The following SDK1 variants were observed in gnomAD, a reference collection of about 807,000 sequenced individuals.
The protein encoded by SDK1 is protein sidekick-1.
Under a neutral mutation model 245.5 loss-of-function variants are expected in SDK1, and 157 were observed. That is an observed-to-expected ratio of 0.64 (90% CI 0.56 to 0.73). The LOEUF (loss-of-function observed/expected upper bound fraction) is 0.73, where lower values mean the gene tolerates loss of function less well. Ranked by LOEUF, SDK1 falls within the 30% of genes least tolerant of loss-of-function variation. The pLI, the probability that SDK1 is intolerant of heterozygous loss-of-function variation, is 0.00. For synonymous variants in SDK1, 1,647 were observed against 1,278.5 expected (o/e 1.29, Z -6.15); for missense variants, 3,583 against 3,002.3 (o/e 1.19, Z -4.52).
intron 37 of SDK1, among the ~76,000 whole-genome samples, chr7:4,209,089 C>G (rs1784386306): frequency 6.6e-6 from 1 of 152,204 alleles, no homozygotes; most frequent in South Asian, 2.1e-4. Context: ...GAATCAGGGC[C>G]CCTTGGCATC....
At chr7:4,074,586 C>T (rs926650332) in intron 20 of SDK1, among the ~76,000 whole-genome samples, 8 of 152,004 alleles carry the variant, frequency 5.3e-5, no homozygotes, top group African/African-American at 1.7e-4. Context: ...CCAGGCTGGG[C>T]GTGGTGGCTG....
intron 4 of SDK1, among the ~76,000 whole-genome samples, chr7:3,648,019 G>T (rs1446808128): frequency 6.6e-6 from 1 of 152,180 alleles, no homozygotes. Flanking sequence ...TTTTATCTGA[G>T]AAGTTGAAAA....
chr7:4,003,636 A>G (rs149715145), intron 14 of SDK1, among the ~76,000 whole-genome samples: 22 of 152,340 alleles, frequency 1.4e-4, no homozygotes, highest in African/African-American at 4.6e-4. Context: ...ATCACATCAC[A>G]TCACATCAAG....
chr7:4,248,216 A>G (rs1787026232), intron 44 of SDK1, among the ~76,000 whole-genome samples: 2 of 152,094 alleles, frequency 1.3e-5, no homozygotes, highest in African/African-American at 4.8e-5. Context: ...ACCTGAATAC[A>G]TGCACACACC....
intron 4 of SDK1, among the ~76,000 whole-genome samples, chr7:3,650,702 C>T (rs1006010779): frequency 5.3e-5 from 8 of 152,168 alleles, no homozygotes; most frequent in Non-Finnish European, 1.0e-4. Context: ...TAACTACTTT[C>T]CTCTTGCCCT....
intron 1 of SDK1, among the ~76,000 whole-genome samples, chr7:3,433,421 T>A (rs1294835369): frequency 6.6e-6 from 1 of 152,204 alleles, no homozygotes; most frequent in Non-Finnish European, 1.5e-5. Context: ...TTGTTTTTAT[T>A]TCTTTTCTCC....
intron 4 of SDK1, among the ~76,000 whole-genome samples, chr7:3,777,563 C>G (rs951614572): frequency 4.6e-5 from 7 of 152,188 alleles, no homozygotes; most frequent in Non-Finnish European, 8.8e-5. Flanking sequence ...CCTGATGTGC[C>G]CAGCAGCAGG....
intron 1 of SDK1, among the ~76,000 whole-genome samples, chr7:3,398,317 G>A (rs1447344277): frequency 6.6e-5 from 10 of 152,074 alleles, no homozygotes; most frequent in Non-Finnish European, 1.5e-4. Context: ...TAGTGATAAG[G>A]TGTTGCGGAG....
At position 3,400,972 on chromosome 7, in the gene SDK1, G is replaced by C. The variant is rs532220189; in HGVS notation, c.298+99088G>C. 4.6e-5 allele frequency among the ~76,000 whole-genome samples: 7 copies of C among 152,244 alleles called. No individual in the cohort carries two copies. In the South Asian group the frequency reaches 1.5e-3, roughly 32 times the overall value. On this transcript the variant is annotated intron_variant, in intron 1 of 44. Transcript: ENST00000404826. The stretch of plus-strand genomic sequence containing the variant: ...TCCAGTGTCAGGACAGGACAGTGAT[G>C]ATGAGAAGGGAAGGGACAGCAGCCA...
intron 5 of SDK1, among the ~76,000 whole-genome samples, chr7:3,948,288 C>T (rs903935270): frequency 1.4e-4 from 17 of 125,916 alleles, no homozygotes; most frequent in African/African-American, 2.8e-4. Context: ...GACGGAGTCT[C>T]GCTCTGTCAC....
At chr7:4,227,844 G>C (rs779970835) in intron 40 of SDK1, among the ~76,000 whole-genome samples, 30 of 152,220 alleles carry the variant, frequency 2.0e-4, no homozygotes, top group Non-Finnish European at 3.8e-4. Context: ...GGGTGTATTA[G>C]GACATTGTCT....
At chr7:3,772,471 A>AT (rs1030905728) in intron 4 of SDK1, among the ~76,000 whole-genome samples, 4 of 152,212 alleles carry the variant, frequency 2.6e-5, no homozygotes, top group African/African-American at 9.7e-5. Context: ...TTAAAAATGC[A>AT]TTAGCCTTTT....
chr7:3,492,648 A>G (rs1020606201), intron 1 of SDK1, among the ~76,000 whole-genome samples: 1 of 152,214 alleles, frequency 6.6e-6, no homozygotes, highest in South Asian at 2.1e-4. Flanking sequence ...GTATCTCCAC[A>G]GTTCACAGGT....
At chr7:3,418,068 A>G (rs558785961) in intron 1 of SDK1, among the ~76,000 whole-genome samples, 1 of 150,670 alleles carries the variant, frequency 6.6e-6, no homozygotes, top group South Asian at 2.1e-4. Context: ...CAAAGGGGTA[A>G]AAATTCCTGA....
At chr7:3,446,004 G>T (rs1376084799) in intron 1 of SDK1, among the ~76,000 whole-genome samples, 2 of 151,728 alleles carry the variant, frequency 1.3e-5, no homozygotes, top group African/African-American at 2.4e-5. Flanking sequence ...CATTTGCCAA[G>T]GATAATTTTG....
At chr7:4,001,512 C>A (rs1320280003) in intron 14 of SDK1, among the ~76,000 whole-genome samples, 1 of 152,228 alleles carries the variant, frequency 6.6e-6, no homozygotes, top group African/African-American at 2.4e-5. Context: ...TCTACGGCCT[C>A]AAAGCCTGTT....
intron 1 of SDK1, among the ~76,000 whole-genome samples, chr7:3,404,335 A>T (rs953941093): frequency 4.6e-5 from 7 of 152,138 alleles, no homozygotes; most frequent in African/African-American, 1.7e-4. Flanking sequence ...CAAACAGTAG[A>T]TTTCTTCCGG....
At chr7:3,972,706 G>A (rs1056149455) in intron 12 of SDK1, among the ~76,000 whole-genome samples, 9 of 152,212 alleles carry the variant, frequency 5.9e-5, no homozygotes, top group African/African-American at 1.7e-4. Flanking sequence ...GGGGACAGCT[G>A]TGGGTGCACA....
intron 34 of SDK1, among the ~76,000 whole-genome samples, chr7:4,177,114 C>T (rs924772504): frequency 6.6e-6 from 1 of 152,210 alleles, no homozygotes; most frequent in Non-Finnish European, 1.5e-5. Flanking sequence ...CAGCACAGCT[C>T]CAACATGTTG....
Sources: allele counts gnomAD v4.1 joint callset (sites outside exome capture counted in the v4.1 genomes callset), GRCh38; gene constraint gnomAD v4.1.1; transcripts MANE v1.5; gene names NCBI Gene and HGNC (gene_info 2026-07-23, HGNC 2026-07-21).